Variants in SLC25A16 observed in about 807,000 individuals in gnomAD.
SLC25A16 encodes the protein mitochondrial coenzyme A transporter SLC25A16.
SLC25A16 carries 39 observed loss-of-function variants against 41.5 expected under a neutral mutation model. The observed-to-expected ratio is 0.94, with a 90% CI of 0.73 to 1.23. The LOEUF (loss-of-function observed/expected upper bound fraction) is 1.23, where lower values mean the gene tolerates loss of function less well. SLC25A16 is among the 50% of genes most tolerant of loss of function. The pLI, the probability that SLC25A16 is intolerant of heterozygous loss-of-function variation, is 0.00. For synonymous variants in SLC25A16, 146 were observed against 147.8 expected (o/e 0.99, Z 0.09); for missense variants, 421 against 426.9 (o/e 0.99, Z 0.12).
chr10:68,494,930 A>C (rs1203142319), intron 4 of SLC25A16, among the ~76,000 whole-genome samples: 1 of 151,848 alleles, frequency 6.6e-6, no homozygotes, highest in East Asian at 1.9e-4. Context: ...TGTGGGAGTT[A>C]ATGTAGTGGT....
Position 68,493,500 on chromosome 10 carries a change from C to T in SLC25A16, c.492G>A (p.Gly164=). 1 of 1,613,002 alleles carries T rather than the reference C, an allele frequency of 6.2e-7. No individual in the cohort carries two copies. The highest frequency in any genetic ancestry group is 8.5e-7 in the Non-Finnish European group (1 of 1,179,222). ...VRVRLAFQVK[G]EHSYTGIIHA... ...GAATAATTCCTGTATAGCTGTGTTCCCCTTTCACCTGGAATGCTAGGCGGA... is the reference window on the plus strand; with the variant it reads ...GAATAATTCCTGTATAGCTGTGTTCTCCTTTCACCTGGAATGCTAGGCGGA... The change falls in exon 5 of 9, where the codon GGG becomes GGA. Residue 164 remains glycine, a synonymous_variant. Coordinates refer to ENST00000609923, the MANE Select transcript of SLC25A16 (RefSeq NM_152707.4).
chr10:68,524,310 C>CAAAAAAAA (rs565308290), intron 1 of SLC25A16, among the ~76,000 whole-genome samples: 11 of 44,034 alleles, frequency 2.5e-4, no homozygotes, highest in Admixed American at 3.5e-4. Context: ...AACTCCATCT[C>CAAAAAAAA]AAAAAAAAAA....
intron 2 of SLC25A16, among the ~76,000 whole-genome samples, chr10:68,510,819 C>T (rs1590118019): frequency 6.6e-6 from 1 of 152,018 alleles, no homozygotes; most frequent in Non-Finnish European, 1.5e-5. Context: ...GCCTGGGCGA[C>T]AGAGCAAGAC....
intron 6 of SLC25A16, among the ~76,000 whole-genome samples, chr10:68,489,256 C>T (rs2052617332): frequency 6.6e-6 from 1 of 151,706 alleles, no homozygotes; most frequent in South Asian, 2.1e-4. Context: ...GCAACAAGAG[C>T]GAAACTCTGT....
At chr10:68,515,661 G>C (rs1021818308) in intron 2 of SLC25A16, among the ~76,000 whole-genome samples, 3 of 152,004 alleles carry the variant, frequency 2.0e-5, no homozygotes, top group African/African-American at 4.8e-5. Flanking sequence ...AGCCAAGCGT[G>C]GTGGCACATG....
intron 1 of SLC25A16, chr10:68,517,067 A>G: frequency 8.2e-7 from 1 of 1,222,942 alleles, no homozygotes; most frequent in Non-Finnish European, 1.0e-6. Context: ...TTAGTAGTGT[A>G]AATCGTCATC....
rs1400990667 is a variant in SLC25A16, at chr10:68,481,727, T to TA, written c.*1704_*1705insT. 2 of 151,974 alleles carry TA rather than the reference T, an allele frequency of 1.3e-5. No individual in the cohort carries two copies. Among genetic ancestry groups the TA allele is most frequent in the Non-Finnish European group, 2.9e-5 (2 of 68,028 alleles). 9.4% of individuals were successfully genotyped at this position (151,974 alleles called of 1,614,324 possible). A position where few individuals can be genotyped will look rare whatever the true frequency, so the allele number is the denominator to read the frequency against. ...TTCCCGAGCTCAAGCAATTCTCATG[T>TA]CTCAGCCTCGCGAGTAACTGGGACT... On this transcript the variant is annotated 3_prime_UTR_variant, in exon 9 of 9. Transcript: ENST00000609923.
Position 68,479,725 on chromosome 10 carries a change from A to G in SLC25A16, c.*3707T>C, listed in dbSNP as rs981464847. The G allele has an allele frequency of 6.6e-6, 1 of 151,762 alleles. No individual in the cohort carries two copies. The highest frequency in any genetic ancestry group is 2.4e-5 in the African/African-American group (1 of 41,094). The allele number at this position is 151,762 out of a possible 1,614,324, so 9.4% of individuals were successfully genotyped here. On this transcript the variant is annotated 3_prime_UTR_variant, in exon 9 of 9. Coordinates refer to ENST00000609923, the MANE Select transcript of SLC25A16 (RefSeq NM_152707.4). Reference sequence around the variant, plus strand: ...AGGCTGAAGCAGGAGAATCGCTAGAACCCAGGAGGTGGAGGTTGCAGTGAG... The same window carrying G: ...AGGCTGAAGCAGGAGAATCGCTAGAGCCCAGGAGGTGGAGGTTGCAGTGAG...
At chr10:68,514,810 T>C (rs1400424804) in intron 2 of SLC25A16, among the ~76,000 whole-genome samples, 1 of 151,948 alleles carries the variant, frequency 6.6e-6, no homozygotes, top group Non-Finnish European at 1.5e-5. Flanking sequence ...TGATCTCAGC[T>C]TACAGCAACC....
chr10:68,486,909 A>C (rs1178569440), intron 8 of SLC25A16, among the ~76,000 whole-genome samples: 1 of 145,472 alleles, frequency 6.9e-6, no homozygotes, highest in Non-Finnish European at 1.5e-5. Context: ...GTTAGCCAAG[A>C]CCATGCCACT....
chr10:68,497,203 A>G (rs1205841740), intron 4 of SLC25A16, among the ~76,000 whole-genome samples: 1 of 152,210 alleles, frequency 6.6e-6, no homozygotes, highest in East Asian at 1.9e-4. Flanking sequence ...TAGTGGGAGC[A>G]GCATCCAGAG....
At chr10:68,518,805 ATAAAT>A (rs200213918) in intron 1 of SLC25A16, among the ~76,000 whole-genome samples, 11,653 of 125,736 alleles carry the variant, frequency 0.093, 578 homozygotes, top group South Asian at 0.27. Flanking sequence ...AAATAAATAA[ATAAAT>A]TAAATAAATA....
At chr10:68,521,808 G>A (rs2053255365) in intron 1 of SLC25A16, among the ~76,000 whole-genome samples, 1 of 150,544 alleles carries the variant, frequency 6.6e-6, no homozygotes, top group African/African-American at 2.4e-5. Flanking sequence ...CGTTTTAGCC[G>A]GGATGGTCTC....
intron 2 of SLC25A16, among the ~76,000 whole-genome samples, chr10:68,508,480 G>A (rs376834645): frequency 6.0e-5 from 9 of 151,254 alleles, no homozygotes; most frequent in South Asian, 2.1e-4. Flanking sequence ...TTGGGAGGCC[G>A]AGGAGGGTGG....
chr10:68,496,118 T>C (rs920435370), intron 4 of SLC25A16, among the ~76,000 whole-genome samples: 28 of 152,328 alleles, frequency 1.8e-4, no homozygotes, highest in African/African-American at 6.5e-4. Flanking sequence ...CTCCTCTTCT[T>C]GCATCCCCTT....
At chr10:68,519,469 G>A (rs1432797144) in intron 1 of SLC25A16, among the ~76,000 whole-genome samples, 1 of 145,386 alleles carries the variant, frequency 6.9e-6, no homozygotes, top group African/African-American at 2.6e-5. Flanking sequence ...CTGGGTGACA[G>A]AGTGAGACTC....
At chr10:68,490,221 C>A (rs1288457870) in intron 6 of SLC25A16, among the ~76,000 whole-genome samples, 1 of 151,776 alleles carries the variant, frequency 6.6e-6, no homozygotes, top group African/African-American at 2.4e-5. Flanking sequence ...CACAATTGCA[C>A]CACTGCACTC....
chr10:68,497,621 A>ATTT (rs565594457), intron 4 of SLC25A16, among the ~76,000 whole-genome samples: 23 of 140,112 alleles, frequency 1.6e-4, no homozygotes, highest in African/African-American at 3.7e-4. Context: ...TTTTTTTTTA[A>ATTT]TTTTTTTTTT....
At chr10:68,519,355 C>T (rs1037446446) in intron 1 of SLC25A16, among the ~76,000 whole-genome samples, 3 of 151,528 alleles carry the variant, frequency 2.0e-5, no homozygotes, top group South Asian at 2.1e-4. Context: ...GGTGTGGTAG[C>T]GGACACCTGT....
Sources: allele counts gnomAD v4.1 joint callset (sites outside exome capture counted in the v4.1 genomes callset), GRCh38; gene constraint gnomAD v4.1.1; transcripts MANE v1.5; gene names NCBI Gene and HGNC (gene_info 2026-07-23, HGNC 2026-07-21).